The following DSCAML1 variants were observed in gnomAD, a reference collection of about 807,000 sequenced individuals.
DSCAML1 encodes cell adhesion molecule DSCAML1.
A neutral mutation model predicts 200.5 loss-of-function variants in DSCAML1; 38 were observed. The ratio of observed to expected loss-of-function variants is 0.19; its 90% CI spans 0.15 to 0.25. The LOEUF (loss-of-function observed/expected upper bound fraction) is 0.25. Ranked by LOEUF, DSCAML1 falls within the 10% of genes least tolerant of loss-of-function variation. The probability of loss-of-function intolerance (pLI) is 1.00; values close to 1 mark genes in which losing one functional copy is unlikely to be tolerated. For synonymous variants in DSCAML1, 1,215 were observed against 1,165.0 expected, an observed-to-expected ratio of 1.04 and a Z score of -0.87; for missense variants, 2,223 against 2,858.8, an observed-to-expected ratio of 0.78 and a Z score of 5.07.
At chr11:117,793,550 C>T (rs947185673) in intron 1 of DSCAML1, among the ~76,000 whole-genome samples, 1 of 152,174 alleles carries the variant, frequency 6.6e-6, no homozygotes, top group Admixed American at 6.5e-5. Flanking sequence ...CTGCATCCCT[C>T]TGTCATAGGC....
rs2048887540 is a variant in DSCAML1, at chr11:117,480,379, G to GGGC, written c.2785+63_2785+64insGCC. The GGGC allele has an allele frequency of 6.3e-7, 1 of 1,599,704 alleles. No individual in the cohort carries two copies. The highest frequency in any genetic ancestry group is 1.1e-5 in the South Asian group (1 of 88,434). ...GGGGCTCTCCTCCCAGAGGGCACAGGCAGGACACGTGGCACAAGGGGCCAT... is the reference window on the plus strand; with the variant it reads ...GGGGCTCTCCTCCCAGAGGGCACAGGGGCCAGGACACGTGGCACAAGGGGCCAT... On this transcript the variant is annotated intron_variant, in intron 14 of 32. Transcript: ENST00000651296. This position sits in a 1 kb window ranked among gnomAD's most constrained non-coding sequence, Gnocchi z 4.1.
intron 6 of DSCAML1, among the ~76,000 whole-genome samples, chr11:117,519,286 G>A (rs543373659): frequency 7.2e-5 from 11 of 152,296 alleles, no homozygotes; most frequent in Non-Finnish European, 1.5e-4. Flanking sequence ...GCCTCAGGAG[G>A]GGGTGGTGGC....
At chr11:117,687,115 G>A (rs1565874415) in intron 3 of DSCAML1, among the ~76,000 whole-genome samples, 1 of 152,108 alleles carries the variant, frequency 6.6e-6, no homozygotes. Flanking sequence ...CAAGGACTCT[G>A]GGAGGATTTA....
At chr11:117,700,920 C>T (rs2137744455) in intron 3 of DSCAML1, among the ~76,000 whole-genome samples, 1 of 152,334 alleles carries the variant, frequency 6.6e-6, no homozygotes, top group South Asian at 2.1e-4. Flanking sequence ...CATTTCAGGT[C>T]CTTCCTCCTA....
At chr11:117,575,360 C>T (rs1293856784) in intron 3 of DSCAML1, among the ~76,000 whole-genome samples, 1 of 152,182 alleles carries the variant, frequency 6.6e-6, no homozygotes, top group Non-Finnish European at 1.5e-5. Flanking sequence ...TAGGGAGTTG[C>T]TTAGAAGAGG....
At chr11:117,815,414 G>A (rs553026230) in intron 1 of DSCAML1, among the ~76,000 whole-genome samples, 2 of 152,308 alleles carry the variant, frequency 1.3e-5, no homozygotes, top group South Asian at 2.1e-4. Flanking sequence ...ACCTTCCACG[G>A]TGTGGTCTGC....
At chr11:117,813,043 A>G (rs1158095078) in intron 1 of DSCAML1, among the ~76,000 whole-genome samples, 4 of 152,130 alleles carry the variant, frequency 2.6e-5, no homozygotes, top group Admixed American at 2.6e-4. Context: ...ATACAGTCTG[A>G]TAACAGACCA....
intron 1 of DSCAML1, among the ~76,000 whole-genome samples, chr11:117,813,551 A>G (rs1208460199): frequency 1.3e-5 from 2 of 152,138 alleles, no homozygotes; most frequent in African/African-American, 4.8e-5. Flanking sequence ...TCTCTAATTA[A>G]ATGTCCTAGG....
rs768103712 is a variant in DSCAML1 at position 117,428,281 on chromosome 11, G to A, written c.*47C>T. 3.5e-5 allele frequency: 38 copies of A among 1,081,518 alleles called. No individual in the cohort carries two copies. Among genetic ancestry groups the A allele is most frequent in the East Asian group, 3.4e-4 (14 of 41,708 alleles). 67.0% of individuals were successfully genotyped at this position (1,081,518 alleles called of 1,614,324 possible). A position where few individuals can be genotyped will look rare whatever the true frequency, so the allele number is the denominator to read the frequency against. On this transcript the variant is annotated 3_prime_UTR_variant, in exon 33 of 33. Coordinates refer to ENST00000651296, the MANE Select transcript of DSCAML1 (RefSeq NM_020693.4). ...GAAAAACAGCCGAGCTGGCGTGTGG[G>A]GCTGCGGCGCGGCGCGGTCCAGGCG...
At chr11:117,531,079 C>T (rs930330269) in intron 4 of DSCAML1, among the ~76,000 whole-genome samples, 12 of 152,168 alleles carry the variant, frequency 7.9e-5, no homozygotes, top group Admixed American at 5.2e-4. Flanking sequence ...GTGTGCATCG[C>T]GCAGGCTGTG....
intron 27 of DSCAML1, among the ~76,000 whole-genome samples, chr11:117,434,959 A>G (rs1420195383): frequency 6.6e-6 from 1 of 152,174 alleles, no homozygotes; most frequent in Non-Finnish European, 1.5e-5. Context: ...TAGATGATAA[A>G]CTCTGTAAGA....
intron 3 of DSCAML1, among the ~76,000 whole-genome samples, chr11:117,546,669 G>T (rs80041541): frequency 0.015 from 2,291 of 152,210 alleles, 35 homozygotes; most frequent in East Asian, 0.077. Context: ...CTCCGGAGCA[G>T]CTCCTAGAGG....
intron 2 of DSCAML1, among the ~76,000 whole-genome samples, chr11:117,778,135 C>G (rs1288167356): frequency 6.6e-6 from 1 of 152,222 alleles, no homozygotes; most frequent in African/African-American, 2.4e-5. Context: ...TCCCGGCCCT[C>G]CCTCGGCCTT....
chr11:117,735,068 C>T (rs1442643254), intron 3 of DSCAML1, among the ~76,000 whole-genome samples: 7 of 152,180 alleles, frequency 4.6e-5, no homozygotes, highest in Admixed American at 3.9e-4. Flanking sequence ...CACAGCCAGC[C>T]TTCCCTCGGG....
At chr11:117,799,022 G>A (rs1402938596), upstream of DSCAML1, among the ~76,000 whole-genome samples, 3 of 152,146 alleles carry the variant, frequency 2.0e-5, no homozygotes, top group South Asian at 2.1e-4. Flanking sequence ...GACCCAGACC[G>A]ATCTTTTGCT....
At chr11:117,500,137 C>T (rs888940145) in intron 11 of DSCAML1, among the ~76,000 whole-genome samples, 2 of 152,354 alleles carry the variant, frequency 1.3e-5, no homozygotes, top group South Asian at 4.1e-4. Context: ...AACTTCATCC[C>T]TGCTGGCCCT....
At chr11:117,706,931 C>T (rs1045343988) in intron 3 of DSCAML1, among the ~76,000 whole-genome samples, 3 of 152,208 alleles carry the variant, frequency 2.0e-5, no homozygotes, top group African/African-American at 7.2e-5. Flanking sequence ...CGACCACACA[C>T]CTTCCTAAGC....
chr11:117,668,681 G>C (rs1227905689), intron 3 of DSCAML1: 1 of 152,258 alleles, frequency 6.6e-6, no homozygotes, highest in African/African-American at 2.4e-5. Context: ...GCTTCCATCT[G>C]ACTGCAAAGC....
At chr11:117,640,916 TACATATATGTCCATGAGC>T (rs2052393417) in intron 3 of DSCAML1, among the ~76,000 whole-genome samples, 1 of 152,252 alleles carries the variant, frequency 6.6e-6, no homozygotes. Context: ...TGCATGTGTG[TACATATATGTCCATGAGC>T]ACATATGTCT....
Sources: gnomAD v4.1 joint callset for allele counts (sites outside exome capture counted in the v4.1 genomes callset) on GRCh38, gnomAD v4.1.1 for gene constraint, Gnocchi (gnomAD v3.1) non-coding constraint, MANE v1.5 for transcripts, NCBI Gene and HGNC (gene_info 2026-07-23, HGNC 2026-07-21) for gene names.